Variants in PCYT1B observed in about 807,000 individuals in gnomAD.
PCYT1B encodes phosphate cytidylyltransferase 1B, choline, also known as choline-phosphate cytidylyltransferase B.
PCYT1B carries 10 observed loss-of-function variants against 26.4 expected under a neutral mutation model. The ratio of observed to expected loss-of-function variants is 0.38; its 90% CI spans 0.23 to 0.64. PCYT1B has a LOEUF of 0.64. PCYT1B is among the 30% of genes least tolerant of loss of function. The pLI is 0.56. For missense variants in PCYT1B, 161 were observed against 292.7 expected (o/e 0.55, Z 3.28); for synonymous variants, 131 against 108.4 (o/e 1.21, Z -1.29).
At chrX:24,600,170 G>C (rs1447287371) in intron 3 of PCYT1B, among the ~76,000 whole-genome samples, 2 of 111,590 alleles carry the variant, frequency 1.8e-5, no homozygotes, top group African/African-American at 6.5e-5. Context: ...GCCTCCCAAA[G>C]TGCTGGGATT....
chrX:24,583,625 C>T (rs1257826860), intron 5 of PCYT1B, among the ~76,000 whole-genome samples: 1 of 112,003 alleles, frequency 8.9e-6, no homozygotes, highest in African/African-American at 3.2e-5. Flanking sequence ...TTTTATTCCC[C>T]AAATCAGGAA....
intron 1 of PCYT1B, among the ~76,000 whole-genome samples, chrX:24,646,541 T>C (rs1926630587): frequency 9.0e-6 from 1 of 111,355 alleles, no homozygotes; most frequent in Non-Finnish European, 1.9e-5. Flanking sequence ...CTTCCATGTT[T>C]CCATTTTTTT....
At chrX:24,607,710 G>T (rs776612496) in intron 3 of PCYT1B, 35 bp downstream of exon 3, 2 of 766,915 alleles carry the variant, frequency 2.6e-6, no homozygotes, top group East Asian at 6.3e-5. Context: ...TACAATAAAA[G>T]AGTTTTCTAG....
At chrX:24,562,616 C>G (rs972689603) in intron 7 of PCYT1B, 111 bp from the exon 8 acceptor site, 3 of 593,883 alleles carry the variant, frequency 5.1e-6, no homozygotes, top group African/African-American at 4.5e-5. Context: ...CCTGAGCCCA[C>G]AAACCTACAC....
chrX:24,589,072 T>G (rs1418068361), intron 4 of PCYT1B, among the ~76,000 whole-genome samples: 1 of 111,334 alleles, frequency 9.0e-6, no homozygotes, highest in Non-Finnish European at 1.9e-5. Flanking sequence ...ATTACAGCCA[T>G]CATTATCATT....
At chrX:24,602,363 T>C (rs1264525217) in intron 3 of PCYT1B, among the ~76,000 whole-genome samples, 3 of 112,126 alleles carry the variant, frequency 2.7e-5, no homozygotes. Flanking sequence ...GTAGAGCATA[T>C]AGGATTTTTA....
chrX:24,596,723 A>G (rs894367919), intron 3 of PCYT1B, among the ~76,000 whole-genome samples: 1 of 111,349 alleles, frequency 9.0e-6, no homozygotes, highest in South Asian at 3.8e-4. Context: ...GTCCTTTAAT[A>G]AATGATTTCT....
chrX:24,567,259 G>A (rs1389357571), intron 7 of PCYT1B, among the ~76,000 whole-genome samples: 1 of 111,955 alleles, frequency 8.9e-6, no homozygotes, highest in African/African-American at 3.2e-5. Context: ...CTGCCTGAGG[G>A]GATGAAAGAA....
intron 1 of PCYT1B, among the ~76,000 whole-genome samples, chrX:24,635,021 T>C (rs1175496030): frequency 8.9e-6 from 1 of 112,065 alleles, no homozygotes; most frequent in Non-Finnish European, 1.9e-5. Flanking sequence ...TATTAGCTAA[T>C]GATGGTATGA....
At chrX:24,617,372 T>A (rs1168126889) in intron 2 of PCYT1B, among the ~76,000 whole-genome samples, 1 of 25,229 alleles carries the variant, frequency 4.0e-5, no homozygotes, top group African/African-American at 1.4e-4. Flanking sequence ...GGTTTGTTTG[T>A]TTTTTTTTTT....
At chrX:24,593,778 C>T (rs1924687987) in intron 3 of PCYT1B, among the ~76,000 whole-genome samples, 1 of 110,649 alleles carries the variant, frequency 9.0e-6, no homozygotes, top group Non-Finnish European at 1.9e-5. Flanking sequence ...CCACCTGCCT[C>T]AGCCTCCCAA....
At chrX:24,584,771 A>G (rs1030420948) in intron 5 of PCYT1B, among the ~76,000 whole-genome samples, 4 of 111,799 alleles carry the variant, frequency 3.6e-5, no homozygotes, top group Non-Finnish European at 5.6e-5. Context: ...GACACTGAGA[A>G]CTCGATGACT....
chrX:24,604,894 A>G (rs1925076423), intron 3 of PCYT1B, among the ~76,000 whole-genome samples: 1 of 112,047 alleles, frequency 8.9e-6, no homozygotes, highest in African/African-American at 3.2e-5. Context: ...CCCATGTAAT[A>G]GCCATTAAGG....
chrX:24,651,500 T>A (rs1926779986), upstream of PCYT1B, among the ~76,000 whole-genome samples: 1 of 73,684 alleles, frequency 1.4e-5, no homozygotes, highest in Non-Finnish European at 2.6e-5. Flanking sequence ...TATATATATA[T>A]ATATATATAT....
chrX:24,608,712 A>T (rs190662803), intron 2 of PCYT1B, among the ~76,000 whole-genome samples: 166 of 111,709 alleles, frequency 1.5e-3, no homozygotes, highest in African/African-American at 4.9e-3. Context: ...ACCTCCAGGA[A>T]CCAGGAGACC....
At chrX:24,664,008 A>C (rs370145671) in intron 1 of PCYT1B, among the ~76,000 whole-genome samples, 7 of 111,299 alleles carry the variant, frequency 6.3e-5, no homozygotes, top group African/African-American at 1.3e-4. Flanking sequence ...GTATATGGTG[A>C]ATTCAGTAGT....
chrX:24,655,652 G>A (rs770591138), intron 1 of PCYT1B, among the ~76,000 whole-genome samples: 6 of 110,985 alleles, frequency 5.4e-5, no homozygotes, highest in South Asian at 7.7e-4. Flanking sequence ...GCGTGGTGGC[G>A]GACATCTGTA....
At chrX:24,651,471 AAATATATATATATATATATAT>A (rs1248084309), upstream of PCYT1B, among the ~76,000 whole-genome samples, 1 of 37,551 alleles carries the variant, frequency 2.7e-5, no homozygotes, top group African/African-American at 1.7e-4. Flanking sequence ...AAAAAAAAAA[AAATATATATATATATATATAT>A]ATATATATAT....
upstream of PCYT1B, among the ~76,000 whole-genome samples, chrX:24,649,409 T>C (rs1385702108): frequency 9.0e-6 from 1 of 111,666 alleles, no homozygotes; most frequent in African/African-American, 3.3e-5. Context: ...AATTCTGGCT[T>C]CCCACTCCAG....
Sources: gnomAD v4.1 joint callset for allele counts (sites outside exome capture counted in the v4.1 genomes callset) on GRCh38, gnomAD v4.1.1 for gene constraint, MANE v1.5 for transcripts, NCBI Gene and HGNC (gene_info 2026-07-23, HGNC 2026-07-21) for gene names.